CDH4: variants seen among roughly 807,000 people sequenced by gnomAD.
CDH4 encodes cadherin-4.
Under a neutral mutation model 86.0 loss-of-function variants are expected in CDH4, and 33 were observed. The ratio of observed to expected loss-of-function variants is 0.38; its 90% CI spans 0.29 to 0.51. The LOEUF (loss-of-function observed/expected upper bound fraction) is 0.51. CDH4 is among the 20% of genes least tolerant of loss of function. The pLI, the probability that CDH4 is intolerant of heterozygous loss-of-function variation, is 0.86. For synonymous variants in CDH4, 555 were observed against 549.4 expected (o/e 1.01, Z -0.14); for missense variants, 1,114 against 1,307.4 (o/e 0.85, Z 2.28).
intron 2 of CDH4, among the ~76,000 whole-genome samples, chr20:61,438,036 C>T (rs2145527532): frequency 6.6e-6 from 1 of 152,346 alleles, no homozygotes; most frequent in Middle Eastern, 3.4e-3. Flanking sequence ...CCCGTCCAGA[C>T]TCCAACAACG....
At chr20:61,495,213 T>C (rs975127202) in intron 2 of CDH4, among the ~76,000 whole-genome samples, 2 of 152,252 alleles carry the variant, frequency 1.3e-5, no homozygotes, top group African/African-American at 2.4e-5. Context: ...GAGTCTGTGA[T>C]GTGTCAGGCA....
chr20:61,671,060 G>T (rs1341839255), intron 2 of CDH4, among the ~76,000 whole-genome samples: 1 of 152,186 alleles, frequency 6.6e-6, no homozygotes, highest in East Asian at 1.9e-4. Context: ...TATGGCATAA[G>T]GGTGAATGGA....
intron 2 of CDH4, among the ~76,000 whole-genome samples, chr20:61,439,612 T>A (rs1386535743): frequency 6.6e-6 from 1 of 152,232 alleles, no homozygotes; most frequent in African/African-American, 2.4e-5. Context: ...CCAAGAGTCC[T>A]CTGTGGAAAC....
At chr20:61,764,794 C>T (rs1388677229) in intron 3 of CDH4, among the ~76,000 whole-genome samples, 1 of 152,216 alleles carries the variant, frequency 6.6e-6, no homozygotes, top group Non-Finnish European at 1.5e-5. Flanking sequence ...TCCCAGGCAT[C>T]CACGTAGCTC....
chr20:61,920,790 CATG>C (rs1413256807), intron 9 of CDH4, among the ~76,000 whole-genome samples: 7 of 130,290 alleles, frequency 5.4e-5, no homozygotes, highest in Non-Finnish European at 9.4e-5. Flanking sequence ...AGCGTGGTAT[CATG>C]GTGATTGCGT....
In CDH4 at chr20:61,254,878, A is replaced by T; in HGVS notation, c.110A>T (p.Glu37Val). Residue 37 changes from glutamate to valine, a missense_variant, in exon 2 of 16, where the codon GAA becomes GTA. Transcript: ENST00000614565. ...GAGACCTGCAAGGCTGGGTTCTCTGAAGATGATTACACGGCATTAATCTCC... is the reference window on the plus strand; with the variant it reads ...GAGACCTGCAAGGCTGGGTTCTCTGTAGATGATTACACGGCATTAATCTCC... ...TRETCKAGFS[E>V]DDYTALISQN... is the part of the protein sequence containing the mutation. 1 of 1,613,588 alleles carries T rather than the reference A, an allele frequency of 6.2e-7. No homozygotes were observed. The highest frequency in any genetic ancestry group is 1.6e-4 in the Middle Eastern group (1 of 6,062).
Position 61,934,233 on chromosome 20 carries a change from C to G in CDH4, c.2544+13C>G. On this transcript the variant is annotated intron_variant, in intron 15 of 15. Coordinates refer to ENST00000614565, the MANE Select transcript of CDH4 (RefSeq NM_001794.5). Reference sequence around the variant, plus strand: ...CTTCATCAATGAGGTGTGTGCCTCTCGGCAGTGGGGGGCCCGGGCAAGGTG... The same window carrying G: ...CTTCATCAATGAGGTGTGTGCCTCTGGGCAGTGGGGGGCCCGGGCAAGGTG... 1 of 1,521,674 alleles carries G rather than the reference C, an allele frequency of 6.6e-7. No individual in the cohort carries two copies. Among genetic ancestry groups the G allele is most frequent in the South Asian group, 1.3e-5 (1 of 78,804 alleles). The allele number at this position is 1,521,674 out of a possible 1,614,324, so 94.3% of individuals were successfully genotyped here. A position where few individuals can be genotyped will look rare whatever the true frequency, so the allele number is the denominator to read the frequency against.
chr20:61,900,861 G>C (rs1181743089), intron 8 of CDH4, among the ~76,000 whole-genome samples: 2 of 152,228 alleles, frequency 1.3e-5, no homozygotes, highest in Non-Finnish European at 2.9e-5. Flanking sequence ...ATGGGTGTGT[G>C]AGGACCGAAT....
At chr20:61,500,339 C>T (rs1160084706) in intron 2 of CDH4, among the ~76,000 whole-genome samples, 2 of 152,244 alleles carry the variant, frequency 1.3e-5, no homozygotes, top group African/African-American at 2.4e-5. Flanking sequence ...TGCTCACTCG[C>T]GTTCGGAATT....
intron 4 of CDH4, among the ~76,000 whole-genome samples, chr20:61,838,151 T>C (rs1981965795): frequency 6.6e-6 from 1 of 150,696 alleles, no homozygotes; most frequent in African/African-American, 2.4e-5. Flanking sequence ...CCTGTCTGCC[T>C]GTCTGCCTGT....
intron 3 of CDH4, among the ~76,000 whole-genome samples, chr20:61,748,866 TTATC>T (rs1452893574): frequency 2.0e-4 from 31 of 152,276 alleles, no homozygotes; most frequent in Admixed American, 3.3e-4. Flanking sequence ...ATAATAAAAA[TTATC>T]AAGCCAAAAA....
intron 6 of CDH4, among the ~76,000 whole-genome samples, chr20:61,871,570 T>A: frequency 6.6e-6 from 1 of 152,092 alleles, no homozygotes; most frequent in Middle Eastern, 3.2e-3. Flanking sequence ...CACTTCAGGG[T>A]TTTCCTCTTA....
In CDH4 at chr20:61,936,718, C is replaced by G. The variant is rs776621304; in HGVS notation, c.2545-19C>G. The G allele has an allele frequency of 6.6e-7, 1 of 1,515,536 alleles. No homozygotes were observed. Among genetic ancestry groups the G allele is most frequent in the South Asian group, 1.3e-5 (1 of 75,386 alleles). The allele number at this position is 1,515,536 out of a possible 1,614,324, so 93.9% of individuals were successfully genotyped here. ...AGACAACGCGTCCTGCACCCTAACT[C>G]TGTGTCTGTGACCCCCAGGGACTCC... On this transcript the variant is annotated intron_variant, in intron 15 of 15. Coordinates refer to ENST00000614565, the MANE Select transcript of CDH4 (RefSeq NM_001794.5).
At chr20:61,537,901 G>A (rs927540965) in intron 2 of CDH4, among the ~76,000 whole-genome samples, 1 of 152,206 alleles carries the variant, frequency 6.6e-6, no homozygotes, top group African/African-American at 2.4e-5. Flanking sequence ...GTGGCCTGCT[G>A]TCTCCAGTTC....
intron 4 of CDH4, among the ~76,000 whole-genome samples, chr20:61,784,451 C>T (rs200854494): frequency 5.0e-5 from 1 of 20,068 alleles, no homozygotes. Context: ...AATGTAATCC[C>T]AGTTCCTCGG....
chr20:61,382,260 T>C (rs2084906530), intron 2 of CDH4, among the ~76,000 whole-genome samples: 4 of 152,200 alleles, frequency 2.6e-5, no homozygotes, highest in Admixed American at 2.6e-4. Flanking sequence ...GGCCGCCTAA[T>C]GGAATGCTCA....
chr20:61,787,098 T>TCCATCATC (rs372061419), intron 4 of CDH4, among the ~76,000 whole-genome samples: 1 of 151,536 alleles, frequency 6.6e-6, no homozygotes, highest in African/African-American at 2.4e-5. Flanking sequence ...CATCCATCCA[T>TCCATCATC]CATCCATCCA....
chr20:61,708,284 A>G lies in CDH4; in HGVS notation c.170-35279A>G, dbSNP rs934926171. Among the ~76,000 whole-genome samples the G allele has an allele frequency of 2.0e-5, 3 of 151,908 alleles. No homozygotes were observed. The highest frequency in any genetic ancestry group is 4.4e-5 in the Non-Finnish European group (3 of 67,952). Reference sequence around the variant, plus strand: ...ACTTTTACCCCGAACCAGATGTACCAAGCACCCCGCTGACTCAGACTCCCC... The same window carrying G: ...ACTTTTACCCCGAACCAGATGTACCGAGCACCCCGCTGACTCAGACTCCCC... On this transcript the variant is annotated intron_variant, in intron 2 of 15. Transcript: ENST00000614565. The surrounding 1 kb of genome is among the most constrained non-coding windows in gnomAD (Gnocchi z 4.5).
chr20:61,430,627 A>T (rs546009327), intron 2 of CDH4, among the ~76,000 whole-genome samples: 1 of 152,160 alleles, frequency 6.6e-6, no homozygotes, highest in Non-Finnish European at 1.5e-5. Flanking sequence ...TAGAGGAGGT[A>T]AAGGAAGGAA....
Sources: gnomAD v4.1 joint callset for allele counts (sites outside exome capture counted in the v4.1 genomes callset) on GRCh38, gnomAD v4.1.1 for gene constraint, Gnocchi (gnomAD v3.1) non-coding constraint, MANE v1.5 for transcripts, NCBI Gene and HGNC (gene_info 2026-07-23, HGNC 2026-07-21) for gene names.